The following CD55 variants were observed in gnomAD, a reference collection of about 807,000 sequenced individuals.
CD55 encodes CD55 molecule (Cromer blood group).
Under a neutral mutation model 45.8 loss-of-function variants are expected in CD55, and 41 were observed. The ratio of observed to expected loss-of-function variants is 0.90; its 90% CI spans 0.70 to 1.16. The LOEUF is 1.16. CD55 is among the 50% of genes most tolerant of loss of function. The pLI, the probability that CD55 is intolerant of heterozygous loss-of-function variation, is 0.00. For missense variants in CD55, 416 were observed against 469.8 expected (o/e 0.89, Z 1.06); for synonymous variants, 181 against 181.1 (o/e 1.00, Z 0.01).
intron 6 of CD55, among the ~76,000 whole-genome samples, chr1:207,333,948 AAGG>A (rs1478497323): frequency 2.0e-5 from 3 of 152,060 alleles, no homozygotes; most frequent in Non-Finnish European, 4.4e-5. Context: ...GGAAGAGGGG[AAGG>A]AGGAGGAGGA....
chr1:207,337,614 G>C, intron 8 of CD55: 3 of 389,142 alleles, frequency 7.7e-6, no homozygotes, highest in Non-Finnish European at 4.6e-6. Context: ...CAATAATAGA[G>C]AAAAAGACTG....
intron 8 of CD55, among the ~76,000 whole-genome samples, 165 bp from the exon 9 acceptor site, chr1:207,339,232 T>TTAA (rs10641442): frequency 0.99 from 151,302 of 152,258 alleles, 75,187 homozygotes; most frequent in Middle Eastern, 1. Flanking sequence ...CTTGATTAAG[T>TTAA]TAATGTGTAA....
chr1:207,348,031 AC>A (rs775829663), intron 9 of CD55, among the ~76,000 whole-genome samples: 6 of 152,166 alleles, frequency 3.9e-5, no homozygotes, highest in Non-Finnish European at 7.3e-5. Context: ...GTGCTGATGA[AC>A]ATATGTGTGC....
intron 8 of CD55, among the ~76,000 whole-genome samples, chr1:207,339,090 T>G (rs906747388): frequency 1.3e-5 from 2 of 152,156 alleles, no homozygotes; most frequent in African/African-American, 4.8e-5. Flanking sequence ...TTTTCAAACA[T>G]GTTTCTTGCC....
intron 9 of CD55, chr1:207,350,118 T>A (rs1274314884): frequency 2.2e-6 from 1 of 455,176 alleles, no homozygotes; most frequent in Admixed American, 2.4e-5. Context: ...GAGATGATCA[T>A]GTGGTTTTTT....
chr1:207,347,348 C>G (rs923357707), intron 9 of CD55: 3 of 381,766 alleles, frequency 7.9e-6, no homozygotes, highest in African/African-American at 6.3e-5. Context: ...CAAGCTCTGC[C>G]TCCCGGGTTC....
chr1:207,339,450 T>A, intron 9 of CD55, 33 bp downstream of exon 9: 1 of 1,553,090 alleles, frequency 6.4e-7, no homozygotes, highest in Non-Finnish European at 8.8e-7. Context: ...TAAAAGAAAT[T>A]GTTTTCACTG....
chr1:207,355,998 C>T (rs1308305254), intron 9 of CD55, among the ~76,000 whole-genome samples: 1 of 152,166 alleles, frequency 6.6e-6, no homozygotes, highest in Non-Finnish European at 1.5e-5. Flanking sequence ...AAATTTGTGA[C>T]ATAAGGAAGC....
At chr1:207,331,318 A>T in intron 6 of CD55, 22 bp downstream of exon 6, 1 of 1,601,756 alleles carries the variant, frequency 6.2e-7, no homozygotes, top group Non-Finnish European at 8.5e-7. Context: ...GGATAGTTAT[A>T]TTTTTGCTTT....
intron 1 of CD55, 85 bp downstream of exon 1, chr1:207,321,950 G>T (rs1654427660): frequency 2.1e-6 from 2 of 973,438 alleles, no homozygotes; most frequent in African/African-American, 3.3e-5. Flanking sequence ...AGGGGCCGGC[G>T]ACTTGGCAGG....
At chr1:207,352,667 G>A (rs919157208) in intron 9 of CD55, among the ~76,000 whole-genome samples, 1 of 152,156 alleles carries the variant, frequency 6.6e-6, no homozygotes, top group Admixed American at 6.5e-5. Context: ...GAAGCTTAAT[G>A]TGATTAGTGG....
At chr1:207,351,981 A>T (rs1244235244) in intron 9 of CD55, among the ~76,000 whole-genome samples, 1 of 152,160 alleles carries the variant, frequency 6.6e-6, no homozygotes, top group Non-Finnish European at 1.5e-5. Flanking sequence ...TAAATTTATT[A>T]TGTGAATGAG....
chr1:207,359,205 T>A (rs1656191264), intron 9 of CD55, among the ~76,000 whole-genome samples: 1 of 152,146 alleles, frequency 6.6e-6, no homozygotes, highest in Non-Finnish European at 1.5e-5. Flanking sequence ...GTAGTAGTAT[T>A]CAGGGGTTTT....
chr1:207,346,909 G>A (rs146116944), intron 9 of CD55, among the ~76,000 whole-genome samples: 1 of 152,278 alleles, frequency 6.6e-6, no homozygotes, highest in Non-Finnish European at 1.5e-5. Flanking sequence ...CTGTAGCTAG[G>A]ATTGTGGGAG....
In CD55 at chr1:207,321,734, G is replaced by C. The variant is rs1179681112; in HGVS notation, c.-32G>C. On this transcript the variant is annotated 5_prime_UTR_variant, in exon 1 of 10. Coordinates refer to ENST00000367064, the MANE Select transcript of CD55 (RefSeq NM_000574.5). ...CGTAGCTGCGACTCGGCGGAGTCCC[G>C]GCGGCGCGTCCTTGTTCTAACCCGG... 4.8e-6 allele frequency: 7 copies of C among 1,466,906 alleles called. No individual in the cohort carries two copies. Among genetic ancestry groups the C allele is most frequent in the Non-Finnish European group, 6.3e-6 (7 of 1,109,860 alleles). 90.9% of individuals were successfully genotyped at this position (1,466,906 alleles called of 1,614,324 possible).
chr1:207,334,041 A>G (rs965087879), intron 6 of CD55, among the ~76,000 whole-genome samples: 2 of 152,182 alleles, frequency 1.3e-5, no homozygotes, highest in Admixed American at 1.3e-4. Flanking sequence ...ACATTAGCCA[A>G]CAGATTCAAG....
At chr1:207,354,087 C>A in intron 9 of CD55, 1 of 1,530,428 alleles carries the variant, frequency 6.5e-7, no homozygotes. Context: ...CTAGGTCACT[C>A]CAGTTCTTGG....
chr1:207,330,422 T>C (rs937548519), intron 5 of CD55, among the ~76,000 whole-genome samples: 16 of 152,128 alleles, frequency 1.1e-4, no homozygotes, highest in African/African-American at 3.9e-4. Context: ...AGTGGTCCCT[T>C]TTTACAGTAT....
chr1:207,342,948 T>C (rs1206683339), intron 9 of CD55, among the ~76,000 whole-genome samples: 3 of 152,190 alleles, frequency 2.0e-5, no homozygotes, highest in African/African-American at 2.4e-5. Flanking sequence ...TCCAAGAATT[T>C]ATTCATTTCC....
Sources: allele counts gnomAD v4.1 joint callset (sites outside exome capture counted in the v4.1 genomes callset), GRCh38; gene constraint gnomAD v4.1.1; transcripts MANE v1.5; gene names NCBI Gene and HGNC (gene_info 2026-07-23, HGNC 2026-07-21).